Variants in MAP7 observed in about 807,000 individuals in gnomAD.
MAP7 encodes the protein ensconsin.
Under a neutral mutation model 94.8 loss-of-function variants are expected in MAP7, and 52 were observed. The ratio of observed to expected loss-of-function variants is 0.55; its 90% CI spans 0.44 to 0.69. The LOEUF (loss-of-function observed/expected upper bound fraction) is 0.69. MAP7 is among the 30% of genes least tolerant of loss of function. The pLI is 0.00. For synonymous variants in MAP7, 350 were observed against 357.0 expected (o/e 0.98, Z 0.22); for missense variants, 940 against 964.6 (o/e 0.97, Z 0.34).
At chr6:136,545,731 AT>A (rs576891797) in intron 1 of MAP7, among the ~76,000 whole-genome samples, 14 of 151,246 alleles carry the variant, frequency 9.3e-5, no homozygotes, top group East Asian at 1.9e-4. Context: ...TTAAAAGTTT[AT>A]TTTTTTATTT....
intron 1 of MAP7, among the ~76,000 whole-genome samples, chr6:136,431,439 G>T (rs1794855145): frequency 6.6e-6 from 1 of 151,922 alleles, no homozygotes; most frequent in African/African-American, 2.4e-5. Context: ...TAGGGAAGGG[G>T]CTATATCATT....
chr6:136,511,696 G>C (rs554079655), intron 1 of MAP7, among the ~76,000 whole-genome samples: 14 of 152,276 alleles, frequency 9.2e-5, no homozygotes, highest in Non-Finnish European at 2.1e-4. Flanking sequence ...GGGAGTGAGG[G>C]ACACTATTAG....
intron 1 of MAP7, among the ~76,000 whole-genome samples, chr6:136,515,443 C>T (rs1027314830): frequency 2.0e-5 from 3 of 152,246 alleles, no homozygotes; most frequent in Non-Finnish European, 4.4e-5. Flanking sequence ...AGAGGCCTAG[C>T]TCTCAGCCTA....
chr6:136,393,077 A>T (rs1021426866), intron 3 of MAP7, among the ~76,000 whole-genome samples: 1 of 152,230 alleles, frequency 6.6e-6, no homozygotes, highest in African/African-American at 2.4e-5. Context: ...TTTCTGACTT[A>T]TTAATACGTG....
rs898575220 is a variant in MAP7 at position 136,448,646 on chromosome 6, C to T, written c.68-26847G>A. The stretch of plus-strand genomic sequence containing the variant: ...GGCAGGATGGTCTCGATCTCCTGAT[C>T]TCGTGATCTTCCCGCCTTGGCCTTC... On this transcript the variant is annotated intron_variant, in intron 1 of 17. Coordinates refer to ENST00000354570, the MANE Select transcript of MAP7 (RefSeq NM_003980.6). 2.0e-5 allele frequency among the ~76,000 whole-genome samples: 3 copies of T among 152,102 alleles called. No individual in the cohort carries two copies. The East Asian group carries it at 5.9e-4, about 30-fold the overall frequency.
chr6:136,435,191 T>G (rs1221059304), intron 1 of MAP7, among the ~76,000 whole-genome samples: 8 of 152,294 alleles, frequency 5.3e-5, no homozygotes, highest in East Asian at 3.9e-4. Flanking sequence ...AGATATTGAA[T>G]GGATAAACTA....
At chr6:136,438,031 C>G (rs1796841479) in intron 1 of MAP7, among the ~76,000 whole-genome samples, 1 of 152,142 alleles carries the variant, frequency 6.6e-6, no homozygotes, top group Non-Finnish European at 1.5e-5. Context: ...AATATAGTAT[C>G]AGATTAACTC....
At chr6:136,402,917 A>G (rs1319069657) in intron 3 of MAP7, among the ~76,000 whole-genome samples, 1 of 13,672 alleles carries the variant, frequency 7.3e-5, no homozygotes, top group African/African-American at 1.4e-4. Context: ...AAAAAAAAAA[A>G]AAAAAAAAAA....
chr6:136,474,627 A>T (rs142537437), intron 1 of MAP7, among the ~76,000 whole-genome samples: 1 of 152,226 alleles, frequency 6.6e-6, no homozygotes, highest in Non-Finnish European at 1.5e-5. Context: ...ATCTGTGACA[A>T]TGTGATAGAC....
intron 1 of MAP7, among the ~76,000 whole-genome samples, chr6:136,471,287 A>G (rs537098416): frequency 6.6e-6 from 1 of 152,316 alleles, no homozygotes; most frequent in South Asian, 2.1e-4. Context: ...ATTGTTCCAA[A>G]TCCCAATGAC....
At chr6:136,370,188 T>C (rs1265785497) in intron 8 of MAP7, among the ~76,000 whole-genome samples, 3 of 152,208 alleles carry the variant, frequency 2.0e-5, no homozygotes, top group East Asian at 3.8e-4. Flanking sequence ...CCATCACTGA[T>C]CATTAAAGAA....
At chr6:136,465,036 C>T (rs947037900) in intron 1 of MAP7, among the ~76,000 whole-genome samples, 1 of 152,200 alleles carries the variant, frequency 6.6e-6, no homozygotes, top group Admixed American at 6.5e-5. Flanking sequence ...ACAGGTTCTG[C>T]TCCCACAACC....
At chr6:136,514,230 A>G (rs201366040) in intron 1 of MAP7, among the ~76,000 whole-genome samples, 1 of 152,218 alleles carries the variant, frequency 6.6e-6, no homozygotes, top group East Asian at 1.9e-4. Flanking sequence ...GAAAGTCAAA[A>G]TTATTCCTTG....
chr6:136,509,551 T>C (rs1002257274), intron 1 of MAP7, among the ~76,000 whole-genome samples: 3 of 151,936 alleles, frequency 2.0e-5, no homozygotes, highest in Non-Finnish European at 4.4e-5. Context: ...CTGTACCCAG[T>C]TTCGGTTTTT....
chr6:136,507,638 T>C (rs2129022438), intron 1 of MAP7, among the ~76,000 whole-genome samples: 1 of 152,346 alleles, frequency 6.6e-6, no homozygotes, highest in African/African-American at 2.4e-5. Flanking sequence ...AAGAAAGCTT[T>C]CCAAATATTA....
At position 136,470,150 on chromosome 6, in the gene MAP7, C is replaced by G. The variant is rs75493903; in HGVS notation, c.68-48351G>C. 0.012 allele frequency among the ~76,000 whole-genome samples: 1,887 copies of G among 152,248 alleles called. 83 individuals are homozygous for G. The East Asian group carries it at 0.14, about 11-fold the overall frequency. ...ATCCTTTCCGATTCTCTCATCAAATCTGCAATCTGACACCTTGCTCTGCTT... is the reference window on the plus strand; with the variant it reads ...ATCCTTTCCGATTCTCTCATCAAATGTGCAATCTGACACCTTGCTCTGCTT... On this transcript the variant is annotated intron_variant, in intron 1 of 17. Coordinates refer to ENST00000354570, the MANE Select transcript of MAP7 (RefSeq NM_003980.6).
chr6:136,482,442 T>C (rs150659547), intron 1 of MAP7, among the ~76,000 whole-genome samples: 1 of 151,364 alleles, frequency 6.6e-6, no homozygotes, highest in Non-Finnish European at 1.5e-5. Flanking sequence ...CTACTAAAAA[T>C]ACAAAAATAT....
intron 1 of MAP7, among the ~76,000 whole-genome samples, chr6:136,436,800 G>A (rs534489696): frequency 6.6e-6 from 1 of 152,320 alleles, no homozygotes; most frequent in South Asian, 2.1e-4. Context: ...TTATTACTGA[G>A]AGTTGTATTT....
intron 11 of MAP7, 40 bp from the exon 12 acceptor site, chr6:136,361,219 G>A: frequency 1.3e-6 from 2 of 1,597,210 alleles, no homozygotes; most frequent in Non-Finnish European, 1.7e-6. Context: ...AAAGACACCT[G>A]AGGAGAAATC....
Sources: gnomAD v4.1 joint callset for allele counts (sites outside exome capture counted in the v4.1 genomes callset) on GRCh38, gnomAD v4.1.1 for gene constraint, MANE v1.5 for transcripts, NCBI Gene and HGNC (gene_info 2026-07-23, HGNC 2026-07-21) for gene names.